Variants in STAU2 observed in about 807,000 individuals in gnomAD.
STAU2 encodes the protein double-stranded RNA-binding protein Staufen homolog 2.
Under a neutral mutation model 65.9 loss-of-function variants are expected in STAU2, and 20 were observed. That is an observed-to-expected ratio of 0.30 (90% CI 0.21 to 0.44). The LOEUF is 0.44. STAU2 is among the 20% of genes least tolerant of loss of function. STAU2 has a pLI of 1.00. For missense variants in STAU2, 558 were observed against 683.9 expected (o/e 0.82, Z 2.05); for synonymous variants, 232 against 233.9 (o/e 0.99, Z 0.07).
At chr8:73,464,235 ACC>A (rs1200688935) in intron 13 of STAU2, among the ~76,000 whole-genome samples, 1 of 152,126 alleles carries the variant, frequency 6.6e-6, no homozygotes, top group Non-Finnish European at 1.5e-5. Flanking sequence ...TTGAGAGGCT[ACC>A]CAATCTTCTA....
intron 4 of STAU2, among the ~76,000 whole-genome samples, chr8:73,705,837 T>A (rs780637172): frequency 7.2e-5 from 11 of 152,222 alleles, no homozygotes; most frequent in Non-Finnish European, 1.3e-4. Context: ...GTCAGCATGA[T>A]ATAAGAGAAG....
At position 73,688,706 on chromosome 8, in the gene STAU2, C is replaced by T. The variant is rs753562803; in HGVS notation, c.222G>A (p.Thr74=). 11 of 1,613,984 alleles carry T rather than the reference C, an allele frequency of 6.8e-6. No homozygotes were observed. The highest frequency in any genetic ancestry group is 1.1e-5 in the South Asian group (1 of 91,080). The change falls in exon 5 of 15, where the codon ACG becomes ACA. Residue 74 remains threonine, a synonymous_variant. Transcript: ENST00000524300. ...AVANKALTES[T]LPKPVQKPPK... Reference sequence around the variant, plus strand: ...GTGGCTTCTGAACTGGTTTGGGAAGCGTAGATTCAGTCAAAGCTTTATTGG... The same window carrying T: ...GTGGCTTCTGAACTGGTTTGGGAAGTGTAGATTCAGTCAAAGCTTTATTGG...
At chr8:73,631,442 A>G (rs1284677208) in intron 6 of STAU2, among the ~76,000 whole-genome samples, 1 of 152,176 alleles carries the variant, frequency 6.6e-6, no homozygotes, top group African/African-American at 2.4e-5. Context: ...AGCAGTGTGC[A>G]GAAGATAAGC....
chr8:73,707,959 C>T (rs187859079), intron 4 of STAU2, among the ~76,000 whole-genome samples: 2 of 152,166 alleles, frequency 1.3e-5, no homozygotes, highest in East Asian at 3.9e-4. Flanking sequence ...TAGGCAAAGG[C>T]AGAGAGATGT....
At chr8:73,746,885 C>T (rs940362759), upstream of STAU2, 11 of 1,152,850 alleles carry the variant, frequency 9.5e-6, no homozygotes, top group African/African-American at 1.6e-4. Flanking sequence ...GGGCTCCCCG[C>T]CCCCCGCCTC....
At chr8:73,515,835 G>T (rs974193692) in intron 13 of STAU2, among the ~76,000 whole-genome samples, 1 of 126,862 alleles carries the variant, frequency 7.9e-6, no homozygotes, top group African/African-American at 3.0e-5. Flanking sequence ...AGGCTGGAAA[G>T]CAGTGGTGGC....
chr8:73,448,611 C>A (rs114393805), intron 13 of STAU2, among the ~76,000 whole-genome samples: 3 of 152,134 alleles, frequency 2.0e-5, no homozygotes, highest in African/African-American at 7.2e-5. Context: ...AAGGACTGAG[C>A]GACACTGATG....
At chr8:73,613,667 T>C in intron 9 of STAU2, 77 bp downstream of exon 9, 1 of 1,140,938 alleles carries the variant, frequency 8.8e-7, no homozygotes, top group Non-Finnish European at 1.2e-6. Context: ...GGATCTGCCT[T>C]ATAGAAAAAT....
At chr8:73,641,716 T>C (rs1266179681) in intron 6 of STAU2, among the ~76,000 whole-genome samples, 1 of 152,230 alleles carries the variant, frequency 6.6e-6, no homozygotes, top group Non-Finnish European at 1.5e-5. Context: ...TCTGGTATTG[T>C]CCAAACTTAA....
intron 13 of STAU2, among the ~76,000 whole-genome samples, chr8:73,522,862 C>G (rs1823114443): frequency 6.6e-6 from 1 of 152,114 alleles, no homozygotes; most frequent in South Asian, 2.1e-4. Context: ...TAAAGCCAGA[C>G]AGGAGTGGGC....
intron 6 of STAU2, among the ~76,000 whole-genome samples, chr8:73,618,755 G>T (rs540115600): frequency 6.6e-6 from 1 of 152,328 alleles, no homozygotes; most frequent in South Asian, 2.1e-4. Context: ...AGGTGACAGT[G>T]GCCTGAACTA....
intron 13 of STAU2, among the ~76,000 whole-genome samples, chr8:73,486,168 G>A (rs1310480802): frequency 2.6e-5 from 4 of 152,098 alleles, no homozygotes; most frequent in Admixed American, 6.5e-5. Flanking sequence ...TGTGAACTCC[G>A]TGAACACAAG....
At chr8:73,619,524 G>C (rs542337853) in intron 6 of STAU2, among the ~76,000 whole-genome samples, 1 of 152,334 alleles carries the variant, frequency 6.6e-6, no homozygotes, top group East Asian at 1.9e-4. Context: ...AAACTGGATA[G>C]AGCGCATCAT....
intron 12 of STAU2, among the ~76,000 whole-genome samples, chr8:73,571,767 T>C (rs1809110162): frequency 1.3e-5 from 2 of 152,236 alleles, no homozygotes; most frequent in South Asian, 2.1e-4. Context: ...GGGAAATTTA[T>C]AGCACTAAAT....
chr8:73,705,801 T>C lies in STAU2; in HGVS notation c.114+3231A>G, dbSNP rs372594799. Among the ~76,000 whole-genome samples the C allele has an allele frequency of 1.2e-4, 19 of 152,304 alleles. No individual in the cohort carries two copies. The South Asian group carries it at 3.9e-3, about 32-fold the overall frequency. ...TACTCATGGGGGAAGGAGGAAATCA[T>C]GTAAACGTAAGATAGGTCACTACCT... On this transcript the variant is annotated intron_variant, in intron 4 of 14. Transcript: ENST00000524300.
intron 13 of STAU2, among the ~76,000 whole-genome samples, chr8:73,512,645 G>A (rs760637286): frequency 6.6e-5 from 10 of 151,856 alleles, no homozygotes; most frequent in Non-Finnish European, 1.0e-4. Flanking sequence ...AATAGGGTGT[G>A]TGTGTGTATG....
chr8:73,532,809 T>C (rs1585947758), intron 13 of STAU2, among the ~76,000 whole-genome samples: 1 of 152,192 alleles, frequency 6.6e-6, no homozygotes, highest in Non-Finnish European at 1.5e-5. Context: ...TTCAAGTCTT[T>C]AGACAAAGCT....
chr8:73,432,762 GT>G (rs1191124264), intron 13 of STAU2, among the ~76,000 whole-genome samples: 2 of 152,132 alleles, frequency 1.3e-5, no homozygotes. Context: ...GATCCTATCA[GT>G]TCAGGTAATT....
intron 11 of STAU2, among the ~76,000 whole-genome samples, chr8:73,585,550 C>A (rs1393359985): frequency 6.6e-6 from 1 of 152,236 alleles, no homozygotes; most frequent in Non-Finnish European, 1.5e-5. Context: ...CTATGCCTAA[C>A]TTCAAAATTT....
Sources: allele counts gnomAD v4.1 joint callset (sites outside exome capture counted in the v4.1 genomes callset), GRCh38; gene constraint gnomAD v4.1.1; transcripts MANE v1.5; gene names NCBI Gene and HGNC (gene_info 2026-07-23, HGNC 2026-07-21).